The following LLGL2 variants were observed in gnomAD, a reference collection of about 807,000 sequenced individuals.
LLGL2 encodes the protein LLGL2, scribble cell polarity complex component.
LLGL2 carries 81 observed loss-of-function variants against 123.2 expected under a neutral mutation model. That is an observed-to-expected ratio of 0.66 (90% CI 0.55 to 0.79). The LOEUF (loss-of-function observed/expected upper bound fraction) is 0.79. Among genes scored for constraint, LLGL2 ranks in the 30% least tolerant of loss-of-function variants. The probability of loss-of-function intolerance (pLI) is 0.00; values close to 1 mark genes in which losing one functional copy is unlikely to be tolerated. For synonymous variants in LLGL2, 577 were observed against 594.1 expected, an observed-to-expected ratio of 0.97 and a Z score of 0.42; for missense variants, 1,273 against 1,414.6, an observed-to-expected ratio of 0.90 and a Z score of 1.61.
intron 1 of LLGL2, among the ~76,000 whole-genome samples, chr17:75,536,123 A>G (rs959190412): frequency 6.6e-6 from 1 of 152,220 alleles, no homozygotes; most frequent in Non-Finnish European, 1.5e-5. Context: ...GGTGACAGGC[A>G]GGAGTGGAGA....
At chr17:75,571,128 C>A in intron 17 of LLGL2, 28 bp downstream of exon 17, 2 of 1,523,218 alleles carry the variant, frequency 1.3e-6, no homozygotes, top group Non-Finnish European at 1.8e-6. Context: ...GGTTGGGGGG[C>A]AGGGGGTAGT....
intron 9 of LLGL2, 110 bp downstream of exon 9, chr17:75,563,916 C>T (rs996676051): frequency 1.6e-5 from 17 of 1,089,042 alleles, no homozygotes; most frequent in African/African-American, 9.3e-5. Context: ...TCTCAGGTCC[C>T]GTGTTGGGGT....
In LLGL2 at chr17:75,572,056, C is replaced by G; in HGVS notation, c.2452C>G (p.Gln818Glu). Residue 818 changes from glutamine to glutamate, a missense_variant, in exon 19 of 26, where the codon CAG (glutamine) becomes GAG (glutamate). By Grantham distance (29) the Gln-to-Glu change is conservative. Coordinates refer to ENST00000392550, the MANE Select transcript of LLGL2 (RefSeq NM_001031803.2). The stretch of plus-strand genomic sequence containing the variant: ...CCAGCTGCTCGTCGTATCAGAGGAG[C>G]AGTTCAAGGTGCCACACGGGCAGCG... ...SHQLLVVSEE[Q>E]FKVFTLPKVS... The G allele has an allele frequency of 6.2e-7, 1 of 1,611,120 alleles. No homozygotes were observed. The highest frequency in any genetic ancestry group is 1.3e-5 in the African/African-American group (1 of 75,052).
At position 75,568,542 on chromosome 17, in the gene LLGL2, C is replaced by A; in HGVS notation, c.1103C>A (p.Thr368Lys). ...GAGCTGGTGGTGATTGACCTGCAGA[C>A]AGCAGGCTGGCCACCGGTCCAGCTG... ...EEELVVIDLQ[T>K]AGWPPVQLPY... The change falls in exon 11 of 26, where the codon ACA becomes AAA. Residue 368 changes from threonine (T) to lysine (K), a missense_variant. Thr to Lys is a moderately conservative substitution (Grantham distance 78, BLOSUM62 -1). Coordinates refer to ENST00000392550, the MANE Select transcript of LLGL2 (RefSeq NM_001031803.2). The A allele has an allele frequency of 6.2e-7, 1 of 1,613,566 alleles. No individual in the cohort carries two copies. The highest frequency in any genetic ancestry group is 1.3e-5 in the African/African-American group (1 of 74,924).
chr17:75,574,708 G>A (rs1008137389), intron 25 of LLGL2, 40 bp downstream of exon 25: 28 of 1,603,866 alleles, frequency 1.7e-5, no homozygotes, highest in Non-Finnish European at 2.4e-5. Context: ...CAACCGTGCT[G>A]GGAAGGGCTG....
At chr17:75,572,241 CA>C (rs1483317173) in intron 19 of LLGL2, among the ~76,000 whole-genome samples, 177 bp downstream of exon 19, 2 of 152,078 alleles carry the variant, frequency 1.3e-5, no homozygotes, top group Admixed American at 6.5e-5. Flanking sequence ...TGAGGCAGGA[CA>C]GGGGGCCAGG....
chr17:75,551,547 G>A (rs2054674785), intron 2 of LLGL2, among the ~76,000 whole-genome samples: 1 of 152,182 alleles, frequency 6.6e-6, no homozygotes, highest in South Asian at 2.1e-4. Flanking sequence ...AATGAATGCG[G>A]GTGGTTGAAG....
At position 75,549,827 on chromosome 17, in the gene LLGL2, C is replaced by T. The variant is rs2054586448; in HGVS notation, c.76-6219C>T. On this transcript the variant is annotated intron_variant, in intron 2 of 25. Coordinates refer to ENST00000392550, the MANE Select transcript of LLGL2 (RefSeq NM_001031803.2). The surrounding 1 kb of genome is among the most constrained non-coding windows in gnomAD (Gnocchi z 4.0). ...AGGATGAAGGCCCCACTGTCTCTGA[C>T]AGCCAGCCTTTGCCCACTCGCTCCC... 6.6e-6 allele frequency among the ~76,000 whole-genome samples: 1 copy of T among 152,246 alleles called. No homozygotes were observed. Among genetic ancestry groups the T allele is most frequent in the Admixed American group, 6.5e-5 (1 of 15,294 alleles).
intron 24 of LLGL2, 56 bp downstream of exon 24, chr17:75,574,551 G>T: frequency 6.3e-7 from 1 of 1,594,184 alleles, no homozygotes; most frequent in Admixed American, 1.8e-5. Context: ...AGAGGGCTCA[G>T]GGGAGCGCTG....
At chr17:75,563,210 T>C in intron 7 of LLGL2, 32 bp downstream of exon 7, 1 of 1,611,310 alleles carries the variant, frequency 6.2e-7, no homozygotes. Context: ...GCAGGCGCCA[T>C]GTTGCTCTCC....
In LLGL2 at chr17:75,558,446, G is replaced by GC; in HGVS notation, c.256-62dup. On this transcript the variant is annotated intron_variant, in intron 4 of 25. Transcript: ENST00000392550. The surrounding 1 kb of genome is among the most constrained non-coding windows in gnomAD (Gnocchi z 4.0). ...TCTTTTAAACAACTGGGGCTGCGTG[G>GC]CCCCAGTGTGTAAAGGCCTTGCCTG... 7.3e-7 allele frequency: 1 copy of GC among 1,371,838 alleles called. No individual in the cohort carries two copies. Among genetic ancestry groups the GC allele is most frequent in the Non-Finnish European group, 1.0e-6 (1 of 992,284 alleles). 85.0% of individuals were successfully genotyped at this position (1,371,838 alleles called of 1,614,324 possible).
intron 2 of LLGL2, among the ~76,000 whole-genome samples, chr17:75,553,764 G>A (rs1029890562): frequency 6.6e-6 from 1 of 152,128 alleles, no homozygotes; most frequent in African/African-American, 2.4e-5. Context: ...AAACCTTCCT[G>A]AAGATGGTTT....
chr17:75,541,715 C>CTT (rs56656168), intron 1 of LLGL2, among the ~76,000 whole-genome samples: 8 of 31,544 alleles, frequency 2.5e-4, no homozygotes, highest in African/African-American at 2.7e-4. Flanking sequence ...TGTGGCTCTG[C>CTT]TTTTTTTTTT....
chr17:75,538,510 G>A (rs1300733414), intron 1 of LLGL2: 1 of 152,108 alleles, frequency 6.6e-6, no homozygotes, highest in Non-Finnish European at 1.5e-5. Flanking sequence ...CGCCTCCTCT[G>A]TTCATTCATT....
intron 2 of LLGL2, among the ~76,000 whole-genome samples, chr17:75,545,501 C>T (rs981469367): frequency 6.6e-6 from 1 of 152,010 alleles, no homozygotes; most frequent in Non-Finnish European, 1.5e-5. Flanking sequence ...GGGGTAGACT[C>T]ATCCGGCTCG....
chr17:75,568,344 T>A, intron 10 of LLGL2, 132 bp from the exon 11 acceptor site: 1 of 1,448,094 alleles, frequency 6.9e-7, no homozygotes, highest in Non-Finnish European at 9.0e-7. Flanking sequence ...ATGGAAAGGC[T>A]TTGCTCAAGC....
At chr17:75,554,023 C>A (rs78329331) in intron 2 of LLGL2, among the ~76,000 whole-genome samples, 1 of 152,040 alleles carries the variant, frequency 6.6e-6, no homozygotes, top group Non-Finnish European at 1.5e-5. Flanking sequence ...CATTTTAGGC[C>A]GGGTATGATG....
chr17:75,554,475 G>A (rs2054815724), intron 2 of LLGL2, among the ~76,000 whole-genome samples: 2 of 151,780 alleles, frequency 1.3e-5, no homozygotes, highest in Admixed American at 1.3e-4. Context: ...GCCGGGTGTG[G>A]CAGGTGTGGT....
In LLGL2 at chr17:75,559,470, C is replaced by G. The variant is rs1010149155; in HGVS notation, c.530+60C>G. On this transcript the variant is annotated intron_variant, in intron 6 of 25. Transcript: ENST00000392550. The surrounding 1 kb of genome is among the most constrained non-coding windows in gnomAD (Gnocchi z 4.6). ...CCCTCAAGTTAGGCATGGCTTCTCC[C>G]CTTGGTCCCAGGACTCTGTCAGGAG... The G allele has an allele frequency of 6.5e-7, 1 of 1,535,380 alleles. No homozygotes were observed. The highest frequency in any genetic ancestry group is 1.4e-5 in the African/African-American group (1 of 72,750).
Sources: allele counts gnomAD v4.1 joint callset (sites outside exome capture counted in the v4.1 genomes callset), GRCh38; gene constraint gnomAD v4.1.1; non-coding constraint Gnocchi (gnomAD v3.1); transcripts MANE v1.5; gene names NCBI Gene and HGNC (gene_info 2026-07-23, HGNC 2026-07-21).